MED27: variants seen among roughly 807,000 people sequenced by gnomAD.
MED27 encodes mediator complex subunit 27.
MED27 carries 30 observed loss-of-function variants against 38.2 expected under a neutral mutation model. The observed-to-expected ratio is 0.79, with a 90% CI of 0.59 to 1.07. MED27 has a LOEUF of 1.07. Ranked by LOEUF, MED27 falls within the 50% of genes least tolerant of loss-of-function variation. The pLI, the probability that MED27 is intolerant of heterozygous loss-of-function variation, is 0.00. For synonymous variants in MED27, 122 were observed against 153.5 expected (o/e 0.79, Z 1.52); for missense variants, 289 against 397.5 (o/e 0.73, Z 2.32).
At chr9:132,065,902 CAAATACT>C (rs1424459209) in intron 2 of MED27, among the ~76,000 whole-genome samples, 1 of 152,228 alleles carries the variant, frequency 6.6e-6, no homozygotes, top group African/African-American at 2.4e-5. Context: ...TTATAGCTGC[CAAATACT>C]GTTGGTCCCC....
Position 131,861,504 on chromosome 9 carries a change from C to T in MED27, c.802-832G>A, listed in dbSNP as rs1489371541. Among the ~76,000 whole-genome samples, 1 of 152,258 alleles carries T rather than the reference C, an allele frequency of 6.6e-6. No individual in the cohort carries two copies. The highest frequency in any genetic ancestry group is 1.5e-5 in the Non-Finnish European group (1 of 68,040). On this transcript the variant is annotated intron_variant, in intron 7 of 7. Coordinates refer to ENST00000292035, the MANE Select transcript of MED27 (RefSeq NM_004269.4). This position sits in a 1 kb window ranked among gnomAD's most constrained non-coding sequence, Gnocchi z 4.4. ...GATACACATTCTTCCATCTTCACCA[C>T]AGCTGCCTTCATGGTGACAGGGCAT... is the stretch of plus-strand genomic sequence containing the variant.
At chr9:131,907,138 T>G (rs1319208016) in intron 4 of MED27, among the ~76,000 whole-genome samples, 1 of 152,178 alleles carries the variant, frequency 6.6e-6, no homozygotes. Flanking sequence ...GCAAGGTGTT[T>G]GTGACCTGTA....
chr9:132,059,712 G>A (rs549954589), intron 2 of MED27, among the ~76,000 whole-genome samples: 12 of 152,326 alleles, frequency 7.9e-5, no homozygotes, highest in East Asian at 3.9e-4. Context: ...CCATTAATGC[G>A]CCTTGCCCAA....
At chr9:132,001,569 C>A (rs1470937790) in intron 3 of MED27, among the ~76,000 whole-genome samples, 1 of 152,094 alleles carries the variant, frequency 6.6e-6, no homozygotes. Context: ...AAATCACCAG[C>A]CTATCCTTTT....
At chr9:131,929,461 T>C (rs1446416745) in intron 4 of MED27, among the ~76,000 whole-genome samples, 2 of 152,182 alleles carry the variant, frequency 1.3e-5, no homozygotes, top group Admixed American at 1.3e-4. Context: ...ATGGTATTTC[T>C]GGACCTGCTC....
At chr9:131,878,029 C>T (rs541232268) in intron 6 of MED27, among the ~76,000 whole-genome samples, 53 of 152,238 alleles carry the variant, frequency 3.5e-4, no homozygotes, top group African/African-American at 1.2e-3. Flanking sequence ...AATCCCAACA[C>T]TTTGGGAGGC....
At chr9:132,059,167 C>T (rs981708723) in intron 2 of MED27, among the ~76,000 whole-genome samples, 11 of 152,286 alleles carry the variant, frequency 7.2e-5, no homozygotes, top group Admixed American at 2.0e-4. Context: ...GACAGCTCTC[C>T]GCAACTGAGA....
chr9:131,967,790 C>T (rs1433551570), intron 3 of MED27, among the ~76,000 whole-genome samples: 1 of 150,302 alleles, frequency 6.7e-6, no homozygotes, highest in African/African-American at 2.4e-5. Context: ...GGATTACAGG[C>T]GTGAGCCACT....
At chr9:131,931,142 G>A (rs1469796029) in intron 4 of MED27, among the ~76,000 whole-genome samples, 1 of 152,098 alleles carries the variant, frequency 6.6e-6, no homozygotes, top group Admixed American at 6.6e-5. Flanking sequence ...CTACTCGGGA[G>A]GCTGAGGAGG....
intron 2 of MED27, among the ~76,000 whole-genome samples, chr9:132,043,430 TCATAACACACGCA>T (rs1462679992): frequency 2.0e-5 from 3 of 151,836 alleles, no homozygotes; most frequent in Non-Finnish European, 4.4e-5. Flanking sequence ...GAGGAGGGGC[TCATAACACACGCA>T]CAGGAACTGC....
intron 2 of MED27, among the ~76,000 whole-genome samples, chr9:132,067,461 AG>A (rs1325438358): frequency 6.6e-6 from 1 of 152,238 alleles, no homozygotes; most frequent in African/African-American, 2.4e-5. Flanking sequence ...AGAAAGGAGG[AG>A]GAAGAACAAG....
intron 3 of MED27, among the ~76,000 whole-genome samples, chr9:131,987,845 T>C (rs1304578078): frequency 6.6e-6 from 1 of 152,182 alleles, no homozygotes; most frequent in African/African-American, 2.4e-5. Context: ...AGCAGTCAAG[T>C]AGGAATCAGG....
At chr9:132,009,891 T>C (rs1459645153) in intron 3 of MED27, among the ~76,000 whole-genome samples, 2 of 152,246 alleles carry the variant, frequency 1.3e-5, no homozygotes, top group Non-Finnish European at 2.9e-5. Flanking sequence ...ATGTTGTGCT[T>C]ATAATAAAAA....
At chr9:131,925,668 C>T (rs1490191207) in intron 4 of MED27, among the ~76,000 whole-genome samples, 1 of 151,906 alleles carries the variant, frequency 6.6e-6, no homozygotes, top group Non-Finnish European at 1.5e-5. Flanking sequence ...AAGTTAAAAC[C>T]CAGGGAAAAT....
chr9:131,876,784 T>C (rs918339085), intron 6 of MED27, among the ~76,000 whole-genome samples: 8 of 152,192 alleles, frequency 5.3e-5, no homozygotes, highest in East Asian at 3.9e-4. Flanking sequence ...ACAAATCTCT[T>C]GGGCATACCA....
At position 131,883,055 on chromosome 9, in the gene MED27, C is replaced by T. The variant is rs752114631; in HGVS notation, c.723+1003G>A. On this transcript the variant is annotated intron_variant, in intron 6 of 7. Coordinates refer to ENST00000292035, the MANE Select transcript of MED27 (RefSeq NM_004269.4). The surrounding 1 kb of genome is among the most constrained non-coding windows in gnomAD (Gnocchi z 4.2). ...CCTGAGTAGCTAGGATTATAGGCGC[C>T]CGCCACCATGCCCGGCTAATTTTAT... Among the ~76,000 whole-genome samples the T allele has an allele frequency of 2.0e-5, 3 of 152,124 alleles. No homozygotes were observed. The highest frequency in any genetic ancestry group is 4.8e-5 in the African/African-American group (2 of 41,416).
rs1050408146 is a variant in MED27 at position 131,862,454 on chromosome 9, C to T, written c.801+609G>A. 2.6e-5 allele frequency among the ~76,000 whole-genome samples: 4 copies of T among 152,108 alleles called. No homozygotes were observed. The highest frequency in any genetic ancestry group is 7.2e-5 in the African/African-American group (3 of 41,420). On this transcript the variant is annotated intron_variant, in intron 7 of 7. Coordinates refer to ENST00000292035, the MANE Select transcript of MED27 (RefSeq NM_004269.4). The surrounding 1 kb of genome is among the most constrained non-coding windows in gnomAD (Gnocchi z 4.6). ...CCCTGCTTAGGCCAACTGGTGGCGG[C>T]GTGATAAATGCTGATAAACTGGCCC...
chr9:131,908,071 G>C lies in MED27; in HGVS notation c.574-14079C>G, dbSNP rs1321946337. ...GAGTCTCTCCGCCCGGCAGCCACCC[G>C]GTCTGGGAAGTGAGGAGCGTCTCCG... On this transcript the variant is annotated intron_variant, in intron 4 of 7. Transcript: ENST00000292035. Among the ~76,000 whole-genome samples the C allele has an allele frequency of 1.3e-3, 194 of 145,800 alleles. 1 individual carries two copies. The highest frequency in any genetic ancestry group is 4.7e-3 in the African/African-American group (185 of 39,224).
At chr9:132,030,837 T>C (rs1032369788) in intron 2 of MED27, among the ~76,000 whole-genome samples, 2 of 152,096 alleles carry the variant, frequency 1.3e-5, no homozygotes, top group Admixed American at 1.3e-4. Context: ...AGCAAATGAA[T>C]AAACTCACAG....
Sources: gnomAD v4.1 joint callset for allele counts (sites outside exome capture counted in the v4.1 genomes callset) on GRCh38, gnomAD v4.1.1 for gene constraint, Gnocchi (gnomAD v3.1) non-coding constraint, MANE v1.5 for transcripts, NCBI Gene and HGNC (gene_info 2026-07-23, HGNC 2026-07-21) for gene names.